RUNDC3B: variants seen among roughly 807,000 people sequenced by gnomAD.
The protein encoded by RUNDC3B is RUN domain-containing protein 3B.
RUNDC3B carries 33 observed loss-of-function variants against 58.4 expected under a neutral mutation model. The ratio of observed to expected loss-of-function variants is 0.56; its 90% confidence interval spans 0.43 to 0.75. The LOEUF (loss-of-function observed/expected upper bound fraction) is 0.75, where lower values mean the gene tolerates loss of function less well. Among genes scored for constraint, RUNDC3B ranks in the 30% least tolerant of loss-of-function variants. RUNDC3B has a pLI of 0.00. For missense variants in RUNDC3B, 501 were observed against 535.7 expected, an observed-to-expected ratio of 0.94 and a Z score of 0.64; for synonymous variants, 193 against 195.2, an observed-to-expected ratio of 0.99 and a Z score of 0.10.
At chr7:87,738,856 A>T (rs995236003) in intron 4 of RUNDC3B, among the ~76,000 whole-genome samples, 25 of 152,006 alleles carry the variant, frequency 1.6e-4, no homozygotes, top group African/African-American at 6.0e-4. Context: ...GCATATTGAA[A>T]TTTTTTGCAG....
chr7:87,644,489 T>A (rs1196699290), intron 1 of RUNDC3B, among the ~76,000 whole-genome samples: 1 of 152,216 alleles, frequency 6.6e-6, no homozygotes, highest in African/African-American at 2.4e-5. Flanking sequence ...GATACTTACG[T>A]TCTATTAAAA....
At chr7:87,685,525 A>G (rs1340415416) in intron 2 of RUNDC3B, among the ~76,000 whole-genome samples, 1 of 152,212 alleles carries the variant, frequency 6.6e-6, no homozygotes, top group Non-Finnish European at 1.5e-5. Context: ...AAATTTCCAC[A>G]CACAACAACA....
chr7:87,669,277 G>T (rs1003821161), intron 2 of RUNDC3B, among the ~76,000 whole-genome samples: 1 of 151,774 alleles, frequency 6.6e-6, no homozygotes, highest in Non-Finnish European at 1.5e-5. Context: ...AATCTCTTTT[G>T]TCTGAATTCA....
At chr7:87,744,183 A>G (rs1251049380) in intron 6 of RUNDC3B, among the ~76,000 whole-genome samples, 1 of 152,068 alleles carries the variant, frequency 6.6e-6, no homozygotes, top group Admixed American at 6.6e-5. Flanking sequence ...GCCTATTTTA[A>G]TACCAGTACC....
chr7:87,641,583 A>T (rs1464920742), intron 1 of RUNDC3B, among the ~76,000 whole-genome samples: 1 of 152,232 alleles, frequency 6.6e-6, no homozygotes, highest in African/African-American at 2.4e-5. Context: ...ACTACTGTTT[A>T]CCAAAAGCTG....
chr7:87,683,905 C>A (rs939762233), intron 2 of RUNDC3B, among the ~76,000 whole-genome samples: 1 of 152,128 alleles, frequency 6.6e-6, no homozygotes, highest in Non-Finnish European at 1.5e-5. Flanking sequence ...AATGACTGTA[C>A]ATACCAGTAC....
At chr7:87,651,454 C>A (rs1442407945) in intron 2 of RUNDC3B, among the ~76,000 whole-genome samples, 5 of 152,010 alleles carry the variant, frequency 3.3e-5, no homozygotes, top group African/African-American at 9.7e-5. Flanking sequence ...GGAAGCTATA[C>A]TCTCTGAATT....
intron 6 of RUNDC3B, among the ~76,000 whole-genome samples, chr7:87,750,548 C>G (rs1421886772): frequency 6.6e-6 from 1 of 152,142 alleles, no homozygotes; most frequent in African/African-American, 2.4e-5. Flanking sequence ...CTGTTGTTTC[C>G]TGACTTTTTA....
intron 2 of RUNDC3B, among the ~76,000 whole-genome samples, chr7:87,698,683 C>G (rs1828731950): frequency 6.6e-6 from 1 of 152,050 alleles, no homozygotes; most frequent in Admixed American, 6.6e-5. Context: ...TACTGTGAGC[C>G]AAGTAAGCAC....
intron 2 of RUNDC3B, among the ~76,000 whole-genome samples, chr7:87,656,941 A>G (rs764093756): frequency 1.3e-5 from 2 of 152,180 alleles, no homozygotes; most frequent in Non-Finnish European, 2.9e-5. Context: ...CTGGGCATAC[A>G]GTAGGGAATT....
At chr7:87,721,649 C>T (rs1376776893) in intron 4 of RUNDC3B, among the ~76,000 whole-genome samples, 2 of 152,072 alleles carry the variant, frequency 1.3e-5, no homozygotes, top group African/African-American at 2.4e-5. Context: ...AAGATTTTTG[C>T]AGAATTTAGG....
chr7:87,795,464 A>T (rs1427593270), intron 8 of RUNDC3B, among the ~76,000 whole-genome samples: 1 of 152,252 alleles, frequency 6.6e-6, no homozygotes, highest in East Asian at 1.9e-4. Flanking sequence ...CTTCTATCCA[A>T]AAGATAGGCA....
intron 4 of RUNDC3B, among the ~76,000 whole-genome samples, chr7:87,714,275 G>A (rs1830346335): frequency 6.6e-6 from 1 of 152,098 alleles, no homozygotes; most frequent in Admixed American, 6.6e-5. Context: ...GGGTCCAGGG[G>A]GGTCACTACC....
chr7:87,716,164 C>T (rs1830545446), intron 4 of RUNDC3B, among the ~76,000 whole-genome samples: 1 of 152,154 alleles, frequency 6.6e-6, no homozygotes, highest in Admixed American at 6.5e-5. Flanking sequence ...TTAAAATTGA[C>T]AGACACTGGT....
At chr7:87,711,074 C>G (rs1234245650) in intron 4 of RUNDC3B, among the ~76,000 whole-genome samples, 3 of 152,022 alleles carry the variant, frequency 2.0e-5, no homozygotes, top group Non-Finnish European at 4.4e-5. Context: ...CACCTATAAT[C>G]CCAGCACTTT....
At position 87,693,695 on chromosome 7, in the gene RUNDC3B, T is replaced by A. The variant is rs575838428; in HGVS notation, c.239-6726T>A. Among the ~76,000 whole-genome samples, 92 of 152,334 alleles carry A rather than the reference T, an allele frequency of 6.0e-4. 1 individual carries two copies. The highest frequency in any genetic ancestry group is 2.2e-3 in the African/African-American group (91 of 41,584). The stretch of plus-strand genomic sequence containing the variant: ...CTTACAGACACCTTAGCCTCTCCAA[T>A]ACAATAAGCTACAAGGAACTAGCTT... On this transcript the variant is annotated intron_variant, in intron 2 of 10. Coordinates refer to ENST00000394654, the MANE Select transcript of RUNDC3B (RefSeq NM_001134405.2).
intron 2 of RUNDC3B, chr7:87,694,007 G>T: frequency 6.2e-7 from 1 of 1,604,166 alleles, no homozygotes. Context: ...ACGGGAGCAT[G>T]GAATTGACTT....
intron 6 of RUNDC3B, among the ~76,000 whole-genome samples, chr7:87,758,048 A>G (rs1278989477): frequency 1.3e-5 from 2 of 152,204 alleles, no homozygotes; most frequent in South Asian, 4.1e-4. Flanking sequence ...GGCCAGTTGC[A>G]GTGGCTTATG....
At chr7:87,735,718 G>A (rs1196696574) in intron 4 of RUNDC3B, among the ~76,000 whole-genome samples, 1 of 152,142 alleles carries the variant, frequency 6.6e-6, no homozygotes, top group African/African-American at 2.4e-5. Flanking sequence ...TAAGGTATCA[G>A]GTTAAATACT....
Sources: allele counts gnomAD v4.1 joint callset (sites outside exome capture counted in the v4.1 genomes callset), GRCh38; gene constraint gnomAD v4.1.1; transcripts MANE v1.5; gene names NCBI Gene and HGNC (gene_info 2026-07-23, HGNC 2026-07-21).